The following DMD variants were observed in gnomAD, a reference collection of about 807,000 sequenced individuals.
DMD encodes dystrophin.
A neutral mutation model predicts 330.1 loss-of-function variants in DMD; 63 were observed. The ratio of observed to expected loss-of-function variants is 0.19; its 90% CI spans 0.16 to 0.24. The LOEUF (loss-of-function observed/expected upper bound fraction) is 0.24. Among genes scored for constraint, DMD ranks in the 10% least tolerant of loss-of-function variants. DMD has a pLI of 1.00. For synonymous variants in DMD, 1,223 were observed against 959.8 expected (o/e 1.27, Z -5.07); for missense variants, 3,344 against 2,684.1 (o/e 1.25, Z -5.43).
chrX:32,793,197 G>A lies in DMD; in HGVS notation c.649+16296C>T, dbSNP rs762618953. Among the ~76,000 whole-genome samples, 39 of 111,913 alleles carry A rather than the reference G, an allele frequency of 3.5e-4. No homozygotes were observed. In the South Asian group the frequency reaches 4.4e-3, roughly 13 times the overall value. ...CAACATACTCCTGAATGACCATTGG[G>A]TCAAGGAAGAAAATTGAGGAAATGT... On this transcript the variant is annotated intron_variant, in intron 7 of 78. Coordinates refer to ENST00000357033, the MANE Select transcript of DMD (RefSeq NM_004006.3).
chrX:32,926,898 A>T (rs922711661), intron 2 of DMD, among the ~76,000 whole-genome samples: 1 of 111,459 alleles, frequency 9.0e-6, no homozygotes, highest in Admixed American at 9.6e-5. Flanking sequence ...TTTTCTATCC[A>T]TTAAAATTAA....
chrX:31,737,294 G>C (rs1250988131), intron 51 of DMD, among the ~76,000 whole-genome samples: 2 of 112,368 alleles, frequency 1.8e-5, no homozygotes, highest in African/African-American at 6.5e-5. Context: ...TATAATATAG[G>C]AATGGATAAA....
At chrX:32,743,276 C>A (rs1021086440) in intron 7 of DMD, among the ~76,000 whole-genome samples, 2 of 111,203 alleles carry the variant, frequency 1.8e-5, no homozygotes, top group East Asian at 5.7e-4. Flanking sequence ...AGTCCCCAGT[C>A]AAATTGAGCG....
chrX:32,450,240 G>A (rs945539995), intron 26 of DMD, among the ~76,000 whole-genome samples: 6 of 110,634 alleles, frequency 5.4e-5, no homozygotes, highest in Non-Finnish European at 1.1e-4. Flanking sequence ...ATATGGATAA[G>A]GTCAGCTATA....
intron 30 of DMD, among the ~76,000 whole-genome samples, chrX:32,398,845 T>C (rs2098065368): frequency 9.0e-6 from 1 of 111,661 alleles, no homozygotes. Context: ...TAAATTATAC[T>C]ACACAGCTAT....
intron 44 of DMD, among the ~76,000 whole-genome samples, chrX:32,050,509 AGAATT>A (rs1474440217): frequency 4.5e-5 from 5 of 111,964 alleles, no homozygotes; most frequent in Admixed American, 9.5e-5. Flanking sequence ...GATAAATGAA[AGAATT>A]GAATTGATTT....
intron 37 of DMD, among the ~76,000 whole-genome samples, chrX:32,360,160 T>C (rs780763083): frequency 3.6e-5 from 4 of 112,105 alleles, no homozygotes; most frequent in African/African-American, 1.3e-4. Flanking sequence ...GAAGATGAAT[T>C]AGTGTTAAAC....
intron 62 of DMD, among the ~76,000 whole-genome samples, chrX:31,317,534 G>T (rs1338162869): frequency 1.0e-5 from 1 of 98,332 alleles, no homozygotes; most frequent in Non-Finnish European, 2.0e-5. Context: ...TTTTTTTGAG[G>T]CAGAGTCTTG....
intron 11 of DMD, among the ~76,000 whole-genome samples, chrX:32,616,083 C>T (rs973243735): frequency 4.5e-5 from 5 of 110,459 alleles, no homozygotes; most frequent in Admixed American, 2.9e-4. Context: ...TTTTTTTCCT[C>T]ATAATTAAAC....
At position 31,836,642 on chromosome X, in the gene DMD, G is replaced by A. The variant is rs912226327; in HGVS notation, c.7200+76C>T. 12 of 834,196 alleles carry A rather than the reference G, an allele frequency of 1.4e-5. No homozygotes were observed. The East Asian group carries it at 2.5e-4, about 17-fold the overall frequency. The allele number at this position is 834,196 out of a possible 1,213,427, so 68.7% of individuals were successfully genotyped here. On this transcript the variant is annotated intron_variant, in intron 49 of 78. Coordinates refer to ENST00000357033, the MANE Select transcript of DMD (RefSeq NM_004006.3). ...ATTTCACTGATTATAAATAGTCCAC[G>A]TCAATGGCAAATGTACAACAGGGGA...
chrX:31,944,733 C>T (rs1229980941), intron 45 of DMD, among the ~76,000 whole-genome samples: 2 of 101,420 alleles, frequency 2.0e-5, no homozygotes, highest in African/African-American at 7.3e-5. Context: ...TGGTCTCGAT[C>T]TCTTGACCTC....
intron 1 of DMD, among the ~76,000 whole-genome samples, chrX:33,025,967 A>C (rs913816740): frequency 3.6e-5 from 4 of 111,867 alleles, no homozygotes; most frequent in Non-Finnish European, 5.6e-5. Context: ...AGGGGAAGGG[A>C]ATATTAAAGT....
intron 1 of DMD, among the ~76,000 whole-genome samples, chrX:33,037,366 A>G (rs1368428876): frequency 3.9e-5 from 2 of 51,034 alleles, no homozygotes; most frequent in Admixed American, 1.9e-4. Context: ...ACTATACAGG[A>G]AAAAAAAAAA....
intron 37 of DMD, among the ~76,000 whole-genome samples, chrX:32,350,038 G>A (rs1040651043): frequency 1.8e-5 from 2 of 111,231 alleles, no homozygotes; most frequent in Non-Finnish European, 3.8e-5. Context: ...TTAAATGGTT[G>A]TTCACATTTG....
chrX:31,183,789 A>C (rs2041425741), intron 67 of DMD, among the ~76,000 whole-genome samples: 1 of 110,508 alleles, frequency 9.0e-6, no homozygotes, highest in African/African-American at 3.3e-5. Context: ...TTCTGCCTGA[A>C]ATATGTCCCT....
rs370094438 is a variant in DMD at position 32,680,813 on chromosome X, T to TACAC, written c.960+17053_960+17056dup. ...CCCAGCACACACACACAGAAACACA[T>TACAC]ACACACACACACACAGTCAAAGTTG... On this transcript the variant is annotated intron_variant, in intron 9 of 78. Transcript: ENST00000357033. Among the ~76,000 whole-genome samples the TACAC allele has an allele frequency of 4.1e-4, 44 of 107,677 alleles. 1 individual carries two copies. The highest frequency in any genetic ancestry group is 1.4e-3 in the African/African-American group (42 of 29,049). 93.5% of individuals were successfully genotyped at this position (107,677 alleles called of 115,157 possible). A position where few individuals can be genotyped will look rare whatever the true frequency, so the allele number is the denominator to read the frequency against.
chrX:32,969,753 G>A (rs2092318725), intron 2 of DMD, among the ~76,000 whole-genome samples: 2 of 93,822 alleles, frequency 2.1e-5, no homozygotes, highest in South Asian at 1.0e-3. Context: ...ACTACATAAC[G>A]ATCACATTTC....
chrX:31,174,106 A>G (rs975159791), intron 71 of DMD, among the ~76,000 whole-genome samples: 2 of 112,015 alleles, frequency 1.8e-5, no homozygotes, highest in African/African-American at 6.5e-5. Flanking sequence ...TCCATGTATC[A>G]AGATGTCTTG....
intron 37 of DMD, among the ~76,000 whole-genome samples, chrX:32,360,759 C>A (rs1289885565): frequency 9.4e-6 from 1 of 106,231 alleles, no homozygotes; most frequent in Non-Finnish European, 1.9e-5. Flanking sequence ...AGCACTCCAG[C>A]CTGGGCAACA....
Sources: gnomAD v4.1 joint callset for allele counts (sites outside exome capture counted in the v4.1 genomes callset) on GRCh38, gnomAD v4.1.1 for gene constraint, MANE v1.5 for transcripts, NCBI Gene and HGNC (gene_info 2026-07-23, HGNC 2026-07-21) for gene names.